The following CMIP variants were observed in gnomAD, a reference collection of about 807,000 sequenced individuals.
The protein encoded by CMIP is C-Maf-inducing protein.
CMIP carries 13 observed loss-of-function variants against 97.3 expected under a neutral mutation model. The ratio of observed to expected loss-of-function variants is 0.13; its 90% CI spans 0.09 to 0.21. The LOEUF (loss-of-function observed/expected upper bound fraction) is 0.21, where lower values mean the gene tolerates loss of function less well. Ranked by LOEUF, CMIP falls within the 10% of genes least tolerant of loss-of-function variation. The pLI is 1.00. For missense variants in CMIP, 847 were observed against 1,024.9 expected (o/e 0.83, Z 2.37); for synonymous variants, 538 against 436.3 (o/e 1.23, Z -2.91).
intron 1 of CMIP, among the ~76,000 whole-genome samples, chr16:81,549,733 C>T (rs937127133): frequency 6.6e-6 from 1 of 152,210 alleles, no homozygotes; most frequent in Non-Finnish European, 1.5e-5. Flanking sequence ...GCAGACCGAG[C>T]CCAGAGCAGG....
chr16:81,465,619 C>T (rs907690788), intron 1 of CMIP, among the ~76,000 whole-genome samples: 2 of 152,246 alleles, frequency 1.3e-5, no homozygotes, highest in East Asian at 1.9e-4. Flanking sequence ...ATTGAATGAA[C>T]GAATGAGAGA....
chr16:81,585,293 A>G (rs2091363113), intron 1 of CMIP, among the ~76,000 whole-genome samples: 1 of 152,352 alleles, frequency 6.6e-6, no homozygotes, highest in East Asian at 1.9e-4. Flanking sequence ...GTGAGCCGAG[A>G]TTGTGCCATT....
Position 81,665,283 on chromosome 16 carries a change from G to C in CMIP, c.825+934G>C, listed in dbSNP as rs187046291. On this transcript the variant is annotated intron_variant, in intron 7 of 20. Transcript: ENST00000537098. ...TGCCATTATTTGCCCTGTATGTCAC[G>C]AGGAAACTGAGGCTTAGCTAGGTCC... The C allele has an allele frequency of 3.9e-5, 6 of 152,286 alleles. No individual in the cohort carries two copies. The East Asian group carries it at 1.2e-3, about 29-fold the overall frequency. 9.4% of individuals were successfully genotyped at this position (152,286 alleles called of 1,614,324 possible). A position where few individuals can be genotyped will look rare whatever the true frequency, so the allele number is the denominator to read the frequency against.
intron 7 of CMIP, chr16:81,664,583 C>T (rs2092583004): frequency 1.7e-6 from 1 of 581,372 alleles, no homozygotes; most frequent in Non-Finnish European, 3.1e-6. Flanking sequence ...AAAAATACCG[C>T]AGCTGGAGGA....
At chr16:81,564,096 T>TGGGGCG (rs1288276516) in intron 1 of CMIP, among the ~76,000 whole-genome samples, 1 of 152,210 alleles carries the variant, frequency 6.6e-6, no homozygotes, top group Non-Finnish European at 1.5e-5. Flanking sequence ...AAAAAGCCAC[T>TGGGGCG]GGGGCAGGTA....
intron 1 of CMIP, among the ~76,000 whole-genome samples, chr16:81,510,615 C>G (rs1040198077): frequency 6.6e-6 from 1 of 152,198 alleles, no homozygotes; most frequent in African/African-American, 2.4e-5. Flanking sequence ...AATTACACTT[C>G]ACTACCACCT....
At position 81,655,690 on chromosome 16, in the gene CMIP, A is replaced by G. The variant is rs2092474095; in HGVS notation, c.640-2085A>G. On this transcript the variant is annotated intron_variant, in intron 4 of 20. Coordinates refer to ENST00000537098, the MANE Select transcript of CMIP (RefSeq NM_198390.3). This position sits in a 1 kb window ranked among gnomAD's most constrained non-coding sequence, Gnocchi z 4.9. ...TGTGTCGAGCTGCCCTTGGCAGCCC[A>G]AAATAAGGAACTGCTTCTTGGATGG... Among the ~76,000 whole-genome samples, 1 of 152,212 alleles carries G rather than the reference A, an allele frequency of 6.6e-6. No homozygotes were observed. The highest frequency in any genetic ancestry group is 2.4e-5 in the African/African-American group (1 of 41,452).
rs1433839160 is a variant in CMIP at position 81,509,076 on chromosome 16, A to T, written c.300+63535A>T. 3.9e-5 allele frequency among the ~76,000 whole-genome samples: 6 copies of T among 152,104 alleles called. No homozygotes were observed. In the East Asian group the frequency reaches 1.2e-3, roughly 29 times the overall value. On this transcript the variant is annotated intron_variant, in intron 1 of 20. Coordinates refer to ENST00000537098, the MANE Select transcript of CMIP (RefSeq NM_198390.3). ...GGAATCATTCATTTTATTTTTTTCA[A>T]ATAAAGATCTACTCTTCAGAGAGAA...
At chr16:81,611,812 G>C (rs923777563) in intron 2 of CMIP, among the ~76,000 whole-genome samples, 1 of 152,130 alleles carries the variant, frequency 6.6e-6, no homozygotes, top group Non-Finnish European at 1.5e-5. Flanking sequence ...TGCAGACCTC[G>C]GGGAGCTGAC....
chr16:81,472,072 G>A (rs146995489), intron 1 of CMIP, among the ~76,000 whole-genome samples: 1 of 152,110 alleles, frequency 6.6e-6, no homozygotes, highest in East Asian at 1.9e-4. Context: ...TATATGCCGT[G>A]TACACACACA....
intron 3 of CMIP, among the ~76,000 whole-genome samples, chr16:81,622,994 G>C (rs1026446579): frequency 1.3e-5 from 2 of 152,232 alleles, no homozygotes; most frequent in African/African-American, 4.8e-5. Context: ...GTCTAACTCA[G>C]GAGTTCAAGA....
In CMIP at chr16:81,627,672, GT is replaced by G. The variant is rs1189110254; in HGVS notation, c.477+6747del. Among the ~76,000 whole-genome samples, 1 of 152,144 alleles carries G rather than the reference GT, an allele frequency of 6.6e-6. No homozygotes were observed. The highest frequency in any genetic ancestry group is 1.9e-4 in the East Asian group (1 of 5,190). ...CTGAGTCCGGAAACAGTTCTGTGGG[GT>G]CCACATCCCTCCCCCATCTCATAGC... is the stretch of plus-strand genomic sequence containing the variant. On this transcript the variant is annotated intron_variant, in intron 3 of 20. Coordinates refer to ENST00000537098, the MANE Select transcript of CMIP (RefSeq NM_198390.3). This position sits in a 1 kb window ranked among gnomAD's most constrained non-coding sequence, Gnocchi z 4.6.
chr16:81,614,454 C>T lies in CMIP; in HGVS notation c.427-6422C>T, dbSNP rs1340795129. ...TCGTTGCATTGGCCTGTGTGCTTGC[C>T]AGGAGCCCGGAGGGAAGAGACCTGG... On this transcript the variant is annotated intron_variant, in intron 2 of 20. Transcript: ENST00000537098. The surrounding 1 kb of genome is among the most constrained non-coding windows in gnomAD (Gnocchi z 5.3). Among the ~76,000 whole-genome samples the T allele has an allele frequency of 1.3e-5, 2 of 152,198 alleles. No individual in the cohort carries two copies. Among genetic ancestry groups the T allele is most frequent in the Non-Finnish European group, 2.9e-5 (2 of 68,046 alleles).
At chr16:81,534,856 T>C (rs896814087) in intron 1 of CMIP, among the ~76,000 whole-genome samples, 7 of 152,234 alleles carry the variant, frequency 4.6e-5, no homozygotes, top group African/African-American at 1.4e-4. Flanking sequence ...ATTTTTCAAA[T>C]ATGTGCTAAG....
At chr16:81,509,607 C>G (rs1001988288) in intron 1 of CMIP, among the ~76,000 whole-genome samples, 9 of 152,220 alleles carry the variant, frequency 5.9e-5, no homozygotes, top group Non-Finnish European at 1.3e-4. Flanking sequence ...CCGCCTCCCT[C>G]TGGTCATCCT....
At chr16:81,565,606 G>T (rs911860421) in intron 1 of CMIP, among the ~76,000 whole-genome samples, 1 of 152,214 alleles carries the variant, frequency 6.6e-6, no homozygotes, top group African/African-American at 2.4e-5. Flanking sequence ...AACTGTGGCT[G>T]CCAGGTGGGG....
chr16:81,605,243 A>G (rs996813214), intron 1 of CMIP, among the ~76,000 whole-genome samples: 1 of 152,232 alleles, frequency 6.6e-6, no homozygotes, highest in Non-Finnish European at 1.5e-5. Context: ...ACTTTGAGGC[A>G]CGCTGCATAA....
intron 1 of CMIP, among the ~76,000 whole-genome samples, chr16:81,492,282 T>C (rs1199757539): frequency 6.6e-6 from 1 of 152,220 alleles, no homozygotes; most frequent in African/African-American, 2.4e-5. Flanking sequence ...CGGGTGTCAT[T>C]GTTTTTCATT....
chr16:81,676,108 T>A (rs1904303615), intron 9 of CMIP, among the ~76,000 whole-genome samples: 1 of 152,052 alleles, frequency 6.6e-6, no homozygotes, highest in South Asian at 2.1e-4. Flanking sequence ...AACGGTTAGG[T>A]GGCTGTGGCA....
Sources: allele counts gnomAD v4.1 joint callset (sites outside exome capture counted in the v4.1 genomes callset), GRCh38; gene constraint gnomAD v4.1.1; non-coding constraint Gnocchi (gnomAD v3.1); transcripts MANE v1.5; gene names NCBI Gene and HGNC (gene_info 2026-07-23, HGNC 2026-07-21).